The following COBL variants were observed in gnomAD, a reference collection of about 807,000 sequenced individuals.
COBL encodes the protein cordon-bleu WH2 repeat protein, also known as protein cordon-bleu.
In COBL, 51 loss-of-function variants were observed where a neutral mutation model predicts 98.8. The observed-to-expected ratio is 0.52, with a 90% confidence interval of 0.41 to 0.65. The LOEUF (loss-of-function observed/expected upper bound fraction) is 0.65. COBL is among the 30% of genes least tolerant of loss of function. COBL has a pLI of 0.00. For synonymous variants in COBL, 634 were observed against 651.7 expected (o/e 0.97, Z 0.41); for missense variants, 1,617 against 1,617.5 (o/e 1.00, Z 0.01).
chr7:51,220,877 C>T (rs1007410335), intron 1 of COBL, among the ~76,000 whole-genome samples: 1 of 152,064 alleles, frequency 6.6e-6, no homozygotes, highest in Non-Finnish European at 1.5e-5. Context: ...AAGCAACTGG[C>T]CTTGTTTTAT....
At position 51,278,596 on chromosome 7, in the gene COBL, T is replaced by A. The variant is rs375565723; in HGVS notation, c.41+37997A>T. On this transcript the variant is annotated intron_variant, in intron 1 of 12. Coordinates refer to ENST00000265136, the MANE Select transcript of COBL (RefSeq NM_015198.5). ...GGTTTCACCATGTTGGCCAGGCTGGTCTCGAACTCCTGACCTCAGGTGATC... is the reference window on the plus strand; with the variant it reads ...GGTTTCACCATGTTGGCCAGGCTGGACTCGAACTCCTGACCTCAGGTGATC... 3.8e-4 allele frequency among the ~76,000 whole-genome samples: 58 copies of A among 151,902 alleles called. No homozygotes were observed. The East Asian group carries it at 9.9e-3, about 26-fold the overall frequency.
At chr7:51,281,883 T>C (rs1799847941) in intron 1 of COBL, among the ~76,000 whole-genome samples, 3 of 152,168 alleles carry the variant, frequency 2.0e-5, no homozygotes, top group Admixed American at 2.0e-4. Flanking sequence ...ATGATTCTTC[T>C]TTTTTGAGTT....
intron 4 of COBL, among the ~76,000 whole-genome samples, chr7:51,187,181 G>A (rs1051084290): frequency 6.6e-6 from 1 of 151,992 alleles, no homozygotes; most frequent in African/African-American, 2.4e-5. Context: ...CCACTCACTT[G>A]TCTAGAGGAG....
chr7:51,037,899 T>C (rs1562828205), intron 8 of COBL, among the ~76,000 whole-genome samples: 1 of 152,230 alleles, frequency 6.6e-6, no homozygotes, highest in Non-Finnish European at 1.5e-5. Context: ...TCACCCAGGC[T>C]GGAGTGCAGT....
chr7:51,107,092 G>T (rs75117708), intron 6 of COBL, among the ~76,000 whole-genome samples: 12,201 of 62,834 alleles, frequency 0.19, 1,156 homozygotes, highest in East Asian at 0.33. Flanking sequence ...TAGTTTGTTT[G>T]TTTTTTTTTT....
intron 7 of COBL, among the ~76,000 whole-genome samples, chr7:51,070,022 G>A (rs997832327): frequency 2.0e-5 from 3 of 151,790 alleles, no homozygotes; most frequent in Non-Finnish European, 4.4e-5. Flanking sequence ...ATGCAGCTTC[G>A]TTCACGTAAT....
intron 2 of COBL, among the ~76,000 whole-genome samples, chr7:51,211,565 G>C (rs1792435397): frequency 6.6e-6 from 1 of 152,172 alleles, no homozygotes; most frequent in African/African-American, 2.4e-5. Context: ...TACATAGTAA[G>C]GCATTCGCCT....
intron 7 of COBL, among the ~76,000 whole-genome samples, chr7:51,056,773 G>A (rs1206652271): frequency 2.7e-5 from 4 of 150,818 alleles, no homozygotes; most frequent in Non-Finnish European, 4.4e-5. Flanking sequence ...GGAGAAAAGC[G>A]AAATGACTAA....
chr7:51,054,419 A>T (rs1213586509), intron 7 of COBL, among the ~76,000 whole-genome samples: 1 of 151,916 alleles, frequency 6.6e-6, no homozygotes, highest in Non-Finnish European at 1.5e-5. Flanking sequence ...AAGGTGAAGG[A>T]CTCTTCATGG....
intron 1 of COBL, among the ~76,000 whole-genome samples, chr7:51,302,248 T>C (rs924086404): frequency 4.6e-5 from 7 of 152,198 alleles, no homozygotes; most frequent in African/African-American, 1.7e-4. Context: ...ATTCTACTGC[T>C]AAAGTAAATT....
rs547552154 is a variant in COBL, at chr7:51,124,982, C to A, written c.957+11176G>T. 1.5e-4 allele frequency among the ~76,000 whole-genome samples: 23 copies of A among 152,166 alleles called. No individual in the cohort carries two copies. In the South Asian group the frequency reaches 4.6e-3, roughly 30 times the overall value. On this transcript the variant is annotated intron_variant, in intron 6 of 12. Transcript: ENST00000265136. ...ATATGCCACCACATCCAGCTAATTT[C>A]TTCGTATTTTTAGTAGAGACAAGGT...
At chr7:51,283,830 C>G (rs995139800) in intron 1 of COBL, among the ~76,000 whole-genome samples, 1 of 152,090 alleles carries the variant, frequency 6.6e-6, no homozygotes, top group Admixed American at 6.6e-5. Context: ...TTTTTAGACC[C>G]AGGTGGTTTC....
At chr7:51,148,073 T>C (rs571570257) in intron 5 of COBL, among the ~76,000 whole-genome samples, 84 of 152,352 alleles carry the variant, frequency 5.5e-4, no homozygotes, top group African/African-American at 2.0e-3. Flanking sequence ...CATTGATTTA[T>C]TACGGCTAGC....
At chr7:51,080,900 G>A (rs1793587198) in intron 7 of COBL, among the ~76,000 whole-genome samples, 1 of 47,286 alleles carries the variant, frequency 2.1e-5, no homozygotes, top group South Asian at 8.6e-4. Context: ...TATGAAAAAC[G>A]ATACAACAAA....
chr7:51,032,662 G>A lies in COBL; in HGVS notation c.1407-1753C>T, dbSNP rs183942242. The A allele has an allele frequency of 2.6e-5, 4 of 152,310 alleles. No individual in the cohort carries two copies. The East Asian group carries it at 7.7e-4, about 29-fold the overall frequency. 9.4% of individuals were successfully genotyped at this position (152,310 alleles called of 1,614,324 possible). On this transcript the variant is annotated intron_variant, in intron 8 of 12. Coordinates refer to ENST00000265136, the MANE Select transcript of COBL (RefSeq NM_015198.5). ...ACAAGCTACACAAAGGGGGCTGGTT[G>A]GAGATGTGTGTGCATGTGGACCCAT...
chr7:51,121,816 A>G (rs1797763346), intron 6 of COBL, among the ~76,000 whole-genome samples: 1 of 152,226 alleles, frequency 6.6e-6, no homozygotes, highest in South Asian at 2.1e-4. Context: ...ATATACATAT[A>G]AAGTTGCAAA....
intron 2 of COBL, among the ~76,000 whole-genome samples, chr7:51,216,923 G>A (rs1018010834): frequency 9.9e-5 from 15 of 152,184 alleles, no homozygotes; most frequent in African/African-American, 3.6e-4. Context: ...TTTAACTGCA[G>A]CCCACTCTTA....
Position 51,080,815 on chromosome 7 carries a change from T to A in COBL, c.1096+4351A>T, listed in dbSNP as rs114024490. ...GAACATGGGCCACAGGGACGCACAT[T>A]CACACCCAGCACTCAGGCGCCAACA... On this transcript the variant is annotated intron_variant, in intron 7 of 12. Coordinates refer to ENST00000265136, the MANE Select transcript of COBL (RefSeq NM_015198.5). 3.8e-3 allele frequency among the ~76,000 whole-genome samples: 572 copies of A among 152,250 alleles called. 4 individuals are homozygous for A. The highest frequency in any genetic ancestry group is 0.013 in the African/African-American group (559 of 41,530).
chr7:51,291,937 A>C (rs1800940601), intron 1 of COBL, among the ~76,000 whole-genome samples: 1 of 152,064 alleles, frequency 6.6e-6, no homozygotes, highest in Admixed American at 6.5e-5. Context: ...TGAAACAGGT[A>C]TATTACCTGA....
Sources: allele counts gnomAD v4.1 joint callset (sites outside exome capture counted in the v4.1 genomes callset), GRCh38; gene constraint gnomAD v4.1.1; transcripts MANE v1.5; gene names NCBI Gene and HGNC (gene_info 2026-07-23, HGNC 2026-07-21).